Variants in ITSN2 observed in about 807,000 individuals in gnomAD.
ITSN2 encodes intersectin-2.
A neutral mutation model predicts 243.7 loss-of-function variants in ITSN2; 156 were observed. The observed-to-expected ratio is 0.64, with a 90% CI of 0.56 to 0.73. ITSN2 has a LOEUF of 0.73. Ranked by LOEUF, ITSN2 falls within the 30% of genes least tolerant of loss-of-function variation. ITSN2 has a pLI of 0.00. For synonymous variants in ITSN2, 703 were observed against 699.9 expected, an observed-to-expected ratio of 1.00 and a Z score of -0.07; for missense variants, 1,801 against 1,996.1, an observed-to-expected ratio of 0.90 and a Z score of 1.86.
chr2:24,309,051 C>CT (rs1421282032), intron 7 of ITSN2: 2 of 276,104 alleles, frequency 7.2e-6, no homozygotes, highest in African/African-American at 4.5e-5. Flanking sequence ...CTTTGAGAAT[C>CT]TAATGCCTGA....
chr2:24,327,813 T>C (rs1194711963), intron 2 of ITSN2, among the ~76,000 whole-genome samples: 1 of 152,210 alleles, frequency 6.6e-6, no homozygotes, highest in African/African-American at 2.4e-5. Context: ...AAACACAATA[T>C]ACCTTTTGGT....
rs1673740397 is a variant in ITSN2 at position 24,248,823 on chromosome 2, A to G, written c.3166+14T>C. 1.2e-6 allele frequency: 2 copies of G among 1,613,316 alleles called. No homozygotes were observed. The highest frequency in any genetic ancestry group is 1.6e-4 in the Middle Eastern group (1 of 6,080). On this transcript the variant is annotated intron_variant, in intron 26 of 39. Transcript: ENST00000355123. ...AACACGTTAGTAATTTTTTAAGATCACTACTATACGTACCAGGTTTTTTAT... is the reference window on the plus strand; with the variant it reads ...AACACGTTAGTAATTTTTTAAGATCGCTACTATACGTACCAGGTTTTTTAT...
intron 33 of ITSN2, 26 bp from the exon 34 acceptor site, chr2:24,210,973 T>TG (rs1669435320): frequency 1.2e-6 from 2 of 1,610,588 alleles, no homozygotes; most frequent in Non-Finnish European, 1.7e-6. Flanking sequence ...CAGTGTCACA[T>TG]GGGGGAGCTG....
chr2:24,245,885 AG>A (rs1673301339), intron 29 of ITSN2, among the ~76,000 whole-genome samples: 1 of 152,148 alleles, frequency 6.6e-6, no homozygotes, highest in Non-Finnish European at 1.5e-5. Context: ...AAGAACTCAT[AG>A]GAAAAATTAT....
At chr2:24,269,933 A>G (rs770430485) in intron 20 of ITSN2, among the ~76,000 whole-genome samples, 9 of 152,170 alleles carry the variant, frequency 5.9e-5, no homozygotes, top group Non-Finnish European at 1.2e-4. Context: ...TACTACTAAT[A>G]GCGGCAATGG....
chr2:24,220,440 A>G, intron 30 of ITSN2: 1 of 987,306 alleles, frequency 1.0e-6, no homozygotes, highest in African/African-American at 1.7e-5. Flanking sequence ...TAGCTATATG[A>G]TATTTGGGAA....
chr2:24,338,948 TG>T (rs1686742145), intron 1 of ITSN2, among the ~76,000 whole-genome samples: 1 of 152,184 alleles, frequency 6.6e-6, no homozygotes, highest in East Asian at 1.9e-4. Context: ...GTAATATTTG[TG>T]TAAGAATTAT....
At chr2:24,239,074 A>G (rs1360398907) in intron 29 of ITSN2, 1 of 152,520 alleles carries the variant, frequency 6.6e-6, no homozygotes, top group Non-Finnish European at 1.5e-5. Context: ...CAAGACACAC[A>G]AAATAAAATT....
Position 24,301,973 on chromosome 2 carries a change from T to C in ITSN2, c.987A>G (p.Pro329=). 6.2e-7 allele frequency: 1 copy of C among 1,609,152 alleles called. No individual in the cohort carries two copies. Among genetic ancestry groups the C allele is most frequent in the Non-Finnish European group, 8.5e-7 (1 of 1,177,308 alleles). The part of the protein sequence containing the change: ...PLTLPPELVP[P]SFRGGKQIDS... Reference sequence around the variant, plus strand: ...CCTCCAGGCACACTCACCTGAAAGATGGAGGAACAAGCTCAGGAGGTAAAG... The same window carrying C: ...CCTCCAGGCACACTCACCTGAAAGACGGAGGAACAAGCTCAGGAGGTAAAG... Residue 329 remains proline (P), a synonymous_variant, in exon 10 of 40, where the codon CCA becomes CCG. Coordinates refer to ENST00000355123, the MANE Select transcript of ITSN2 (RefSeq NM_006277.3).
At position 24,310,372 on chromosome 2, in the gene ITSN2, G is replaced by A; in HGVS notation, c.565C>T (p.His189Tyr). The change falls in exon 7 of 40, where the codon CAT (histidine) becomes TAT (tyrosine). Residue 189 changes from histidine (H) to tyrosine (Y), a missense_variant. This residue lies in a region of ITSN2 where 787 missense variants were observed against 803.9 expected (regional missense o/e 0.98). Coordinates refer to ENST00000355123, the MANE Select transcript of ITSN2 (RefSeq NM_006277.3). ...PIPYSSSTLP[H>Y]GSSYSLMMGG... ...ATCATCAGACTATAAGATGACCCAT[G>A]AGGCAATGCTAAAAAAGAAAAAGAA... 1 of 1,613,096 alleles carries A rather than the reference G, an allele frequency of 6.2e-7. No homozygotes were observed. Among genetic ancestry groups the A allele is most frequent in the Non-Finnish European group, 8.5e-7 (1 of 1,179,522 alleles).
chr2:24,331,101 C>T (rs1015723855), intron 1 of ITSN2, among the ~76,000 whole-genome samples: 1 of 127,586 alleles, frequency 7.8e-6, no homozygotes, highest in South Asian at 2.6e-4. Context: ...GGCAGAGTTT[C>T]GCTCTTGTTG....
intron 30 of ITSN2, chr2:24,220,710 G>C (rs1482674577): frequency 7.5e-7 from 1 of 1,326,418 alleles, no homozygotes; most frequent in Non-Finnish European, 9.6e-7. Flanking sequence ...GCTTCACTCT[G>C]AGTGACCTCA....
intron 20 of ITSN2, among the ~76,000 whole-genome samples, chr2:24,263,770 AT>A (rs1676228933): frequency 6.6e-6 from 1 of 152,230 alleles, no homozygotes. Flanking sequence ...ATATTATATC[AT>A]ATGAATATAC....
At chr2:24,219,535 T>C (rs923618805) in intron 30 of ITSN2, among the ~76,000 whole-genome samples, 3 of 152,190 alleles carry the variant, frequency 2.0e-5, no homozygotes, top group Non-Finnish European at 4.4e-5. Flanking sequence ...CCTCTAGCCA[T>C]CCATGTAGCT....
Position 24,204,865 on chromosome 2 carries a change from G to T in ITSN2, c.4762+349C>A. On this transcript the variant is annotated intron_variant, in intron 38 of 39. Transcript: ENST00000355123. This position sits in a 1 kb window ranked among gnomAD's most constrained non-coding sequence, Gnocchi z 5.1. Reference sequence around the variant, plus strand: ...GAGTCATCAGTGGCTGGGCGCAGTGGCACTTTGTCAGTGACAAAGTGCTGT... The same window carrying T: ...GAGTCATCAGTGGCTGGGCGCAGTGTCACTTTGTCAGTGACAAAGTGCTGT... 1 of 399,606 alleles carries T rather than the reference G, an allele frequency of 2.5e-6. No individual in the cohort carries two copies. The highest frequency in any genetic ancestry group is 1.9e-5 in the South Asian group (1 of 53,686). 24.8% of individuals were successfully genotyped at this position (399,606 alleles called of 1,614,324 possible).
At position 24,298,705 on chromosome 2, in the gene ITSN2, T is replaced by G; in HGVS notation, c.1454A>C (p.Asn485Thr). 6.2e-7 allele frequency: 1 copy of G among 1,611,418 alleles called. No homozygotes were observed. Among genetic ancestry groups the G allele is most frequent in the South Asian group, 1.1e-5 (1 of 90,136 alleles). Residue 485 changes from asparagine to threonine, a missense_variant, in exon 13 of 40, where the codon AAC becomes ACC. This residue lies in a region of ITSN2 where 787 missense variants were observed against 803.9 expected (regional missense o/e 0.98). Coordinates refer to ENST00000355123, the MANE Select transcript of ITSN2 (RefSeq NM_006277.3). ...AAGATGAAGATTCTTCTTTTTAGAG[T>G]TTAACCTGACAATTTCTTCTTGTTC... The part of the protein sequence containing the change: ...NREQEEIVRL[N>T]SKKKNLHLEL...
chr2:24,260,892 A>G (rs1374273942), intron 22 of ITSN2, among the ~76,000 whole-genome samples: 1 of 109,492 alleles, frequency 9.1e-6, no homozygotes, highest in Non-Finnish European at 1.8e-5. Context: ...CAACAGAGTG[A>G]GGCTCCGTCT....
chr2:24,336,691 A>C (rs1330184442), intron 1 of ITSN2, among the ~76,000 whole-genome samples: 1 of 152,208 alleles, frequency 6.6e-6, no homozygotes, highest in Non-Finnish European at 1.5e-5. Flanking sequence ...GTAGTTAGTC[A>C]CTATCTCCTA....
chr2:24,283,372 C>A (rs1679069955), intron 17 of ITSN2, among the ~76,000 whole-genome samples: 2 of 152,172 alleles, frequency 1.3e-5, no homozygotes, highest in East Asian at 3.9e-4. Flanking sequence ...TTACAGGCAT[C>A]CGCCACTATG....
Sources: gnomAD v4.1 joint callset for allele counts (sites outside exome capture counted in the v4.1 genomes callset) on GRCh38, gnomAD v4.1.1 for gene constraint, gnomAD v4.1.1 regional missense constraint, Gnocchi (gnomAD v3.1) non-coding constraint, MANE v1.5 for transcripts, NCBI Gene and HGNC (gene_info 2026-07-23, HGNC 2026-07-21) for gene names.